Variants in GPR107 observed in about 807,000 individuals in gnomAD.
The protein encoded by GPR107 is protein GPR107.
Under a neutral mutation model 75.5 loss-of-function variants are expected in GPR107, and 31 were observed. The ratio of observed to expected loss-of-function variants is 0.41; its 90% CI spans 0.31 to 0.55. The LOEUF (loss-of-function observed/expected upper bound fraction) is 0.55. GPR107 is among the 20% of genes least tolerant of loss of function. GPR107 has a pLI of 0.26. For synonymous variants in GPR107, 267 were observed against 251.3 expected (o/e 1.06, Z -0.59); for missense variants, 572 against 665.7 (o/e 0.86, Z 1.55).
chr9:130,066,846 T>C (rs1014709904), intron 1 of GPR107, among the ~76,000 whole-genome samples: 29 of 151,632 alleles, frequency 1.9e-4, no homozygotes, highest in African/African-American at 6.8e-4. Context: ...ATTAGCCGGG[T>C]GTGGTGGCGG....
chr9:130,091,442 C>G (rs1040996692), intron 8 of GPR107, among the ~76,000 whole-genome samples: 1 of 151,278 alleles, frequency 6.6e-6, no homozygotes, highest in African/African-American at 2.4e-5. Flanking sequence ...GATTGCATCA[C>G]TGCACTCCAG....
chr9:130,115,471 A>T (rs1413999278), intron 14 of GPR107, among the ~76,000 whole-genome samples: 6 of 70,514 alleles, frequency 8.5e-5, no homozygotes, highest in South Asian at 8.2e-4. Context: ...TTTTCTTTTA[A>T]AAAAAAAAAT....
chr9:130,054,039 C>G lies in GPR107; in HGVS notation c.107C>G (p.Pro36Arg), dbSNP rs544119046. 6.4e-7 allele frequency: 1 copy of G among 1,554,998 alleles called. No individual in the cohort carries two copies. The highest frequency in any genetic ancestry group is 1.9e-5 in the Admixed American group (1 of 51,520). Residue 36 changes from proline (P) to arginine (R), a missense_variant, in exon 1 of 18, where the codon CCT becomes CGT. Physicochemically the swap from Pro to Arg is moderately radical, Grantham distance 103. Coordinates refer to ENST00000347136, the MANE Select transcript of GPR107 (RefSeq NM_020960.5). ...MLGLLQLLAE[P>R]GLGRVHHLAL... ...GGTTTGCTGCAGTTGCTGGCCGAGC[C>G]TGGCCTGGGCCGCGTCCATCACCTG...
intron 1 of GPR107, 28 bp from the exon 2 acceptor site, chr9:130,075,608 C>A: frequency 1.8e-6 from 2 of 1,134,938 alleles, no homozygotes; most frequent in Non-Finnish European, 2.7e-6. Context: ...TTCCATATGA[C>A]TAATTCCACC....
chr9:130,074,940 A>G (rs990518826), intron 1 of GPR107, among the ~76,000 whole-genome samples: 7 of 150,734 alleles, frequency 4.6e-5, no homozygotes, highest in Admixed American at 4.0e-4. Context: ...GATGCCAGGC[A>G]TTGTACTATC....
intron 14 of GPR107, among the ~76,000 whole-genome samples, chr9:130,123,525 C>CTTTCTTTTT (rs1564684318): frequency 1.5e-5 from 2 of 135,546 alleles, no homozygotes; most frequent in African/African-American, 2.7e-5. Context: ...TCTTTCTTTT[C>CTTTCTTTTT]TTTTCTTTTT....
chr9:130,122,531 GA>G (rs1408425565), intron 14 of GPR107, among the ~76,000 whole-genome samples: 3 of 152,156 alleles, frequency 2.0e-5, no homozygotes, highest in African/African-American at 7.2e-5. Context: ...AGGGGAGGAG[GA>G]ACACCTGATC....
intron 1 of GPR107, among the ~76,000 whole-genome samples, chr9:130,071,013 C>T (rs535832260): frequency 6.7e-6 from 1 of 148,486 alleles, no homozygotes; most frequent in East Asian, 2.0e-4. Context: ...GTCACCAGGC[C>T]CAGTCCTAAC....
chr9:130,072,074 C>T (rs112639355), intron 1 of GPR107, among the ~76,000 whole-genome samples: 3,112 of 151,484 alleles, frequency 0.021, 107 homozygotes, highest in African/African-American at 0.07. Context: ...TCGGTTCAAG[C>T]ACTTCTGCCT....
intron 1 of GPR107, among the ~76,000 whole-genome samples, chr9:130,058,666 T>G (rs113779719): frequency 0.04 from 6,123 of 152,210 alleles, 410 homozygotes; most frequent in African/African-American, 0.14. Context: ...GGTTTTGCCA[T>G]GGCGGCAAGG....
intron 9 of GPR107, among the ~76,000 whole-genome samples, chr9:130,097,298 G>A (rs1189801239): frequency 3.3e-5 from 5 of 151,900 alleles, no homozygotes; most frequent in Admixed American, 3.3e-4. Context: ...GGGACTATAG[G>A]CATGTACGCC....
At chr9:130,087,826 G>A (rs1307925119) in intron 7 of GPR107, among the ~76,000 whole-genome samples, 38 of 97,618 alleles carry the variant, frequency 3.9e-4, no homozygotes, top group South Asian at 6.3e-4. Flanking sequence ...AAAAAAAAAA[G>A]CCTACAGTGA....
chr9:130,084,862 G>C (rs1830579713), intron 6 of GPR107, among the ~76,000 whole-genome samples: 1 of 152,118 alleles, frequency 6.6e-6, no homozygotes, highest in African/African-American at 2.4e-5. Context: ...GAAGGAAGAT[G>C]CCAAACCATC....
At chr9:130,074,436 C>T (rs770808467) in intron 1 of GPR107, among the ~76,000 whole-genome samples, 22 of 152,080 alleles carry the variant, frequency 1.4e-4, no homozygotes, top group Non-Finnish European at 2.2e-4. Context: ...GCAATTTAGC[C>T]AAATCTCAAT....
At position 130,133,672 on chromosome 9, in the gene GPR107, G is replaced by A. The variant is rs184224129; in HGVS notation, c.1563-1353G>A. Among the ~76,000 whole-genome samples, 42 of 152,322 alleles carry A rather than the reference G, an allele frequency of 2.8e-4. No individual in the cohort carries two copies. In the South Asian group the frequency reaches 6.8e-3, roughly 25 times the overall value. On this transcript the variant is annotated intron_variant, in intron 17 of 17. Coordinates refer to ENST00000347136, the MANE Select transcript of GPR107 (RefSeq NM_020960.5). ...CAGCTGGCCAGAAGTGACGCTGGGC[G>A]GCTTCAGCTGAGGCATTTTCGTCTT...
In GPR107 at chr9:130,118,056, G is replaced by A. The variant is rs556562153; in HGVS notation, c.1307-6859G>A. 3.3e-5 allele frequency among the ~76,000 whole-genome samples: 5 copies of A among 152,340 alleles called. No homozygotes were observed. The East Asian group carries it at 9.7e-4, about 29-fold the overall frequency. On this transcript the variant is annotated intron_variant, in intron 14 of 17. Coordinates refer to ENST00000347136, the MANE Select transcript of GPR107 (RefSeq NM_020960.5). Reference sequence around the variant, plus strand: ...TTAGCATGAAGCGTAGGTGTTAAGAGCTTGGTCCTTGGAGGGAGGTGGACT... The same window carrying A: ...TTAGCATGAAGCGTAGGTGTTAAGAACTTGGTCCTTGGAGGGAGGTGGACT...
intron 14 of GPR107, among the ~76,000 whole-genome samples, chr9:130,121,696 G>A (rs894909653): frequency 6.6e-6 from 1 of 152,102 alleles, no homozygotes; most frequent in African/African-American, 2.4e-5. Context: ...AGGCCCTTTG[G>A]GAAACCCTCT....
intron 14 of GPR107, among the ~76,000 whole-genome samples, chr9:130,110,597 T>G (rs1831273561): frequency 6.6e-6 from 1 of 152,230 alleles, no homozygotes; most frequent in South Asian, 2.1e-4. Context: ...TGTGAGATGC[T>G]TTTGGGCATC....
In GPR107 at chr9:130,103,069, G is replaced by C. The variant is rs1253638410; in HGVS notation, c.1132-1351G>C. ...GCTCCCCAAATTTCTGGGATTATGGGTATGAGCCACCGCACCCAGCCCTAC... is the reference window on the plus strand; with the variant it reads ...GCTCCCCAAATTTCTGGGATTATGGCTATGAGCCACCGCACCCAGCCCTAC... On this transcript the variant is annotated intron_variant, in intron 12 of 17. Transcript: ENST00000347136. This position sits in a 1 kb window ranked among gnomAD's most constrained non-coding sequence, Gnocchi z 4.3. Among the ~76,000 whole-genome samples, 7 of 152,036 alleles carry C rather than the reference G, an allele frequency of 4.6e-5. No homozygotes were observed. Among genetic ancestry groups the C allele is most frequent in the African/African-American group, 1.7e-4 (7 of 41,384 alleles).
Sources: gnomAD v4.1 joint callset for allele counts (sites outside exome capture counted in the v4.1 genomes callset) on GRCh38, gnomAD v4.1.1 for gene constraint, Gnocchi (gnomAD v3.1) non-coding constraint, MANE v1.5 for transcripts, NCBI Gene and HGNC (gene_info 2026-07-23, HGNC 2026-07-21) for gene names.